C12orf54: variants seen among roughly 807,000 people sequenced by gnomAD.
The protein encoded by C12orf54 is chromosome 12 open reading frame 54, also known as uncharacterized protein C12orf54.
C12orf54 carries 24 observed loss-of-function variants against 26.4 expected under a neutral mutation model. The observed-to-expected ratio is 0.91, with a 90% CI of 0.66 to 1.28. C12orf54 has a LOEUF of 1.28. Ranked by LOEUF, C12orf54 falls within the 50% of genes most tolerant of loss-of-function variation. The pLI, the probability that C12orf54 is intolerant of heterozygous loss-of-function variation, is 0.00. For synonymous variants in C12orf54, 54 were observed against 47.0 expected, an observed-to-expected ratio of 1.15 and a Z score of -0.61; for missense variants, 154 against 150.9, an observed-to-expected ratio of 1.02 and a Z score of -0.11.
chr12:48,445,411 G>A, the C12orf54 span, among the ~76,000 whole-genome samples: 6 of 152,126 alleles, frequency 3.9e-5, no homozygotes, highest in Non-Finnish European at 8.8e-5. Flanking sequence ...CTGCACTTTC[G>A]CATACCTCAG....
chr12:48,456,203 G>T, the C12orf54 span, among the ~76,000 whole-genome samples: 2 of 152,164 alleles, frequency 1.3e-5, no homozygotes, highest in Non-Finnish European at 2.9e-5. Context: ...TGGGCCCTGG[G>T]TATATAAAGA....
the C12orf54 span, among the ~76,000 whole-genome samples, chr12:48,450,493 A>G: frequency 6.6e-6 from 1 of 152,224 alleles, no homozygotes; most frequent in African/African-American, 2.4e-5. Flanking sequence ...TCAAGGCTGA[A>G]CTGAAGGAGA....
At chr12:48,437,703 T>C in the C12orf54 span, among the ~76,000 whole-genome samples, 1 of 152,216 alleles carries the variant, frequency 6.6e-6, no homozygotes, top group Middle Eastern at 3.4e-3. Context: ...AATTCAACAA[T>C]GCTTCATGCT....
chr12:48,493,723 A>AATTTTC, intron 7 of C12orf54, among the ~76,000 whole-genome samples: 1 of 152,134 alleles, frequency 6.6e-6, no homozygotes, highest in Non-Finnish European at 1.5e-5. Context: ...AACAAAAGTT[A>AATTTTC]AAATGCCCTA....
the C12orf54 span, among the ~76,000 whole-genome samples, chr12:48,462,396 C>T: frequency 1.3e-5 from 2 of 151,230 alleles, no homozygotes; most frequent in Non-Finnish European, 3.0e-5. Context: ...TTTTGTGATG[C>T]CAACATTATT....
At chr12:48,483,617 G>A (rs7958521) in intron 2 of C12orf54, 148,675 of 388,422 alleles carry the variant, frequency 0.38, 32,172 homozygotes, top group Middle Eastern at 0.47. Context: ...ATACAAACTA[G>A]GGACATTAAT....
chr12:48,495,819 A>G (rs1382122281), intron 8 of C12orf54, among the ~76,000 whole-genome samples: 1 of 152,248 alleles, frequency 6.6e-6, no homozygotes, highest in African/African-American at 2.4e-5. Flanking sequence ...TACACAAAGT[A>G]TTTCCATATT....
At chr12:48,464,796 G>A in the C12orf54 span, among the ~76,000 whole-genome samples, 2 of 151,994 alleles carry the variant, frequency 1.3e-5, no homozygotes, top group Non-Finnish European at 2.9e-5. Flanking sequence ...CTTCAACAAA[G>A]CTGACAAAAA....
chr12:48,458,479 T>C, the C12orf54 span, among the ~76,000 whole-genome samples: 1 of 152,204 alleles, frequency 6.6e-6, no homozygotes, highest in East Asian at 1.9e-4. Flanking sequence ...CACCTCTCTG[T>C]TGACCTCCAT....
At chr12:48,439,493 T>C in the C12orf54 span, among the ~76,000 whole-genome samples, 4 of 152,162 alleles carry the variant, frequency 2.6e-5, no homozygotes, top group East Asian at 1.9e-4. Context: ...GACTTGGAAC[T>C]AACCCAAATG....
the C12orf54 span, among the ~76,000 whole-genome samples, chr12:48,436,726 T>A: frequency 6.6e-6 from 1 of 152,128 alleles, no homozygotes; most frequent in Non-Finnish European, 1.5e-5. Context: ...AGACACAATA[T>A]ACCAGAATCT....
chr12:48,435,295 T>A, the C12orf54 span, among the ~76,000 whole-genome samples: 2 of 152,198 alleles, frequency 1.3e-5, no homozygotes, highest in Non-Finnish European at 2.9e-5. Flanking sequence ...CTGGTGTACC[T>A]GAAACTGATG....
the C12orf54 span, chr12:48,441,918 A>G: frequency 6.6e-6 from 1 of 152,202 alleles, no homozygotes; most frequent in Non-Finnish European, 1.5e-5. Context: ...TATTTTTCAG[A>G]AAAGGACCTC....
At chr12:48,480,471 T>C (rs538293944), upstream of C12orf54, among the ~76,000 whole-genome samples, 5 of 152,254 alleles carry the variant, frequency 3.3e-5, no homozygotes, top group South Asian at 6.2e-4. Context: ...CCAACAAATA[T>C]ATGAAAAAAT....
At chr12:48,415,501 G>A in the C12orf54 span, among the ~76,000 whole-genome samples, 1 of 152,026 alleles carries the variant, frequency 6.6e-6, no homozygotes, top group Non-Finnish European at 1.5e-5. Flanking sequence ...ACTCAACACA[G>A]CTAACCTCTC....
chr12:48,487,968 G>T, intron 4 of C12orf54: 1 of 746,238 alleles, frequency 1.3e-6, no homozygotes. Flanking sequence ...AAGAAGAACT[G>T]GGTTGCCATT....
the C12orf54 span, among the ~76,000 whole-genome samples, chr12:48,465,654 A>C: frequency 7.2e-3 from 1,098 of 152,262 alleles, 12 homozygotes; most frequent in African/African-American, 0.025. Flanking sequence ...CAAAGACATG[A>C]AATCAACCTA....
chr12:48,494,892 C>A lies in C12orf54; in HGVS notation c.337C>A (p.Leu113Met). The part of the protein sequence containing the change: ...EQPSGGRIHN[L>M]KTQLFSQSAY... ...GCCATCAGGAGGCCGTATCCACAAC[C>A]TGAAGACACAGCTCTTCAGTCAATC... The change falls in exon 8 of 9, where the codon CTG (leucine) becomes ATG (methionine). Residue 113 changes from leucine to methionine, a missense_variant. Transcript: ENST00000548364. 1.2e-6 allele frequency: 2 copies of A among 1,613,150 alleles called. No homozygotes were observed. The highest frequency in any genetic ancestry group is 2.2e-5 in the South Asian group (2 of 91,072).
At chr12:48,489,268 T>C (rs895705053) in intron 5 of C12orf54, 3 of 527,620 alleles carry the variant, frequency 5.7e-6, no homozygotes, top group Non-Finnish European at 1.1e-5. Context: ...GAGAATCCCC[T>C]AGTGATGTAG....
Sources: gnomAD v4.1 joint callset for allele counts (sites outside exome capture counted in the v4.1 genomes callset) on GRCh38, gnomAD v4.1.1 for gene constraint, MANE v1.5 for transcripts, NCBI Gene and HGNC (gene_info 2026-07-23, HGNC 2026-07-21) for gene names.